The following GPR137C variants were observed in gnomAD, a reference collection of about 807,000 sequenced individuals.
GPR137C encodes the protein G protein-coupled receptor 137C, also known as integral membrane protein GPR137C.
Under a neutral mutation model 43.4 loss-of-function variants are expected in GPR137C, and 27 were observed. That is an observed-to-expected ratio of 0.62 (90% CI 0.46 to 0.86). The LOEUF (loss-of-function observed/expected upper bound fraction) is 0.86, where lower values mean the gene tolerates loss of function less well. Among genes scored for constraint, GPR137C ranks in the 40% least tolerant of loss-of-function variants. The pLI, the probability that GPR137C is intolerant of heterozygous loss-of-function variation, is 0.00. For synonymous variants in GPR137C, 285 were observed against 226.9 expected, an observed-to-expected ratio of 1.26 and a Z score of -2.30; for missense variants, 522 against 534.6, an observed-to-expected ratio of 0.98 and a Z score of 0.23.
At chr14:52,558,727 G>A (rs1156684123) in intron 1 of GPR137C, among the ~76,000 whole-genome samples, 3 of 151,972 alleles carry the variant, frequency 2.0e-5, no homozygotes, top group Admixed American at 2.0e-4. Context: ...AAACACTGTT[G>A]AAATACAAAA....
At chr14:52,632,621 T>C (rs539368493) in intron 4 of GPR137C, among the ~76,000 whole-genome samples, 10 of 152,232 alleles carry the variant, frequency 6.6e-5, no homozygotes, top group Admixed American at 5.9e-4. Context: ...TATTTCTAGA[T>C]AAATGAATTC....
At chr14:52,563,195 C>T (rs1594780114) in intron 1 of GPR137C, among the ~76,000 whole-genome samples, 1 of 152,110 alleles carries the variant, frequency 6.6e-6, no homozygotes, top group Admixed American at 6.5e-5. Context: ...TTTTTTGTTA[C>T]CTTGATAGCT....
At chr14:52,574,621 G>A (rs1388471332) in intron 1 of GPR137C, among the ~76,000 whole-genome samples, 1 of 152,154 alleles carries the variant, frequency 6.6e-6, no homozygotes, top group Admixed American at 6.5e-5. Context: ...TAGATGACAG[G>A]TTGATGGGTG....
At chr14:52,553,634 G>C (rs756450512) in intron 1 of GPR137C, 43 bp downstream of exon 1, 6 of 1,444,318 alleles carry the variant, frequency 4.2e-6, no homozygotes, top group East Asian at 2.6e-5. Context: ...GCGGGTGCGC[G>C]GGGCCGCCGG....
chr14:52,553,381 G>A lies in GPR137C; in HGVS notation c.234G>A (p.Arg78=), dbSNP rs750873827. ...GGCTGCTCCTGTACCGCGAGCGGCGGCTGAGTTACCAGAGCCTCTGCCTCT... is the reference window on the plus strand; with the variant it reads ...GGCTGCTCCTGTACCGCGAGCGGCGACTGAGTTACCAGAGCCTCTGCCTCT... ...LWRLLLYRER[R]LSYQSLCLFL... Residue 78 remains arginine (R), a synonymous_variant, in exon 1 of 7, where the codon CGG becomes CGA. Transcript: ENST00000321662. The A allele has an allele frequency of 1.2e-6, 2 of 1,605,500 alleles. No individual in the cohort carries two copies. Among genetic ancestry groups the A allele is most frequent in the South Asian group, 1.1e-5 (1 of 90,982 alleles).
At chr14:52,631,899 C>T (rs1357381311) in intron 3 of GPR137C, among the ~76,000 whole-genome samples, 2 of 148,140 alleles carry the variant, frequency 1.4e-5, no homozygotes, top group African/African-American at 5.0e-5. Context: ...TCATATATTA[C>T]AAGGCAACCT....
In GPR137C at chr14:52,632,250, A is replaced by T. The variant is rs199685518; in HGVS notation, c.808A>T (p.Ile270Leu). Residue 270 changes from isoleucine to leucine, a missense_variant, in exon 4 of 7, where the codon ATA becomes TTA. Ile to Leu is a conservative substitution (Grantham distance 5). Transcript: ENST00000321662. ...RACYNLVVVT[I>L]SQDTLESPFN... ...TTGTTATAATTTGGTGGTGGTCACC[A>T]TATCTCAGGATACATTAGAAAGTCC... 1 of 1,611,092 alleles carries T rather than the reference A, an allele frequency of 6.2e-7. No homozygotes were observed. The highest frequency in any genetic ancestry group is 2.2e-5 in the East Asian group (1 of 44,846).
intron 1 of GPR137C, among the ~76,000 whole-genome samples, chr14:52,559,741 T>G (rs2038252268): frequency 6.6e-6 from 1 of 152,194 alleles, no homozygotes; most frequent in Admixed American, 6.5e-5. Flanking sequence ...TTGTCTCTAT[T>G]TGTAGGTGAC....
chr14:52,557,948 CTCTT>C (rs144913769), intron 1 of GPR137C, among the ~76,000 whole-genome samples: 135 of 152,280 alleles, frequency 8.9e-4, no homozygotes, highest in African/African-American at 3.0e-3. Flanking sequence ...GTCTAGCAAA[CTCTT>C]TCTTCACCTT....
intron 2 of GPR137C, among the ~76,000 whole-genome samples, chr14:52,599,562 T>C (rs1260559532): frequency 6.6e-6 from 1 of 151,954 alleles, no homozygotes; most frequent in Non-Finnish European, 1.5e-5. Flanking sequence ...GCCTCCTGAA[T>C]AGCTGGGACT....
chr14:52,604,740 G>A (rs193105716), intron 3 of GPR137C, among the ~76,000 whole-genome samples: 64 of 152,228 alleles, frequency 4.2e-4, no homozygotes, highest in Non-Finnish European at 7.5e-4. Context: ...GAGCCATCGC[G>A]CACAGCCAAA....
intron 3 of GPR137C, among the ~76,000 whole-genome samples, chr14:52,602,111 A>G (rs1306860481): frequency 6.6e-6 from 1 of 150,630 alleles, no homozygotes; most frequent in Admixed American, 6.7e-5. Context: ...TGTAATGTTA[A>G]GTAGTTCCCA....
chr14:52,592,682 G>A (rs1176020082), intron 1 of GPR137C, among the ~76,000 whole-genome samples: 1 of 152,176 alleles, frequency 6.6e-6, no homozygotes, highest in Admixed American at 6.5e-5. Flanking sequence ...CATTGATTTT[G>A]TATCCTGAGA....
At chr14:52,632,876 G>A (rs1235145039) in intron 4 of GPR137C, among the ~76,000 whole-genome samples, 1 of 152,018 alleles carries the variant, frequency 6.6e-6, no homozygotes, top group Non-Finnish European at 1.5e-5. Flanking sequence ...ATTCCCATAT[G>A]CTTCCTAAAC....
chr14:52,599,856 A>G (rs992822715), intron 2 of GPR137C, among the ~76,000 whole-genome samples: 1 of 152,222 alleles, frequency 6.6e-6, no homozygotes, highest in African/African-American at 2.4e-5. Context: ...GGTTAATGTA[A>G]ATATGCTTAA....
At chr14:52,560,797 A>G (rs2038271021) in intron 1 of GPR137C, among the ~76,000 whole-genome samples, 1 of 152,198 alleles carries the variant, frequency 6.6e-6, no homozygotes, top group South Asian at 2.1e-4. Flanking sequence ...TTTGTAGAAG[A>G]CAGAAGATGT....
intron 3 of GPR137C, among the ~76,000 whole-genome samples, chr14:52,617,819 A>G (rs1594804944): frequency 6.6e-6 from 1 of 152,218 alleles, no homozygotes; most frequent in Non-Finnish European, 1.5e-5. Flanking sequence ...GATCTGCAAA[A>G]TGGAGATAAT....
intron 3 of GPR137C, among the ~76,000 whole-genome samples, chr14:52,630,236 C>T (rs1247576104): frequency 1.3e-5 from 2 of 151,902 alleles, no homozygotes; most frequent in African/African-American, 4.8e-5. Flanking sequence ...TTTTTAAAAG[C>T]TTCTATAGTA....
chr14:52,591,676 G>GT (rs1157338348), intron 1 of GPR137C, among the ~76,000 whole-genome samples: 1 of 151,936 alleles, frequency 6.6e-6, no homozygotes, highest in Non-Finnish European at 1.5e-5. Context: ...GGTGTTGTTT[G>GT]TTTTTTTCTT....
Sources: gnomAD v4.1 joint callset for allele counts (sites outside exome capture counted in the v4.1 genomes callset) on GRCh38, gnomAD v4.1.1 for gene constraint, MANE v1.5 for transcripts, NCBI Gene and HGNC (gene_info 2026-07-23, HGNC 2026-07-21) for gene names.